The following SLC35D2 variants were observed in gnomAD, a reference collection of about 807,000 sequenced individuals.
SLC35D2 encodes the protein nucleotide sugar transporter SLC35D2.
Under a neutral mutation model 41.8 loss-of-function variants are expected in SLC35D2, and 43 were observed. The observed-to-expected ratio is 1.03, with a 90% CI of 0.81 to 1.33. SLC35D2 has a LOEUF of 1.33. Ranked by LOEUF, SLC35D2 falls within the 40% of genes most tolerant of loss-of-function variation. The pLI is 0.00. For synonymous variants in SLC35D2, 150 were observed against 163.9 expected, an observed-to-expected ratio of 0.92 and a Z score of 0.65; for missense variants, 380 against 408.4, an observed-to-expected ratio of 0.93 and a Z score of 0.60.
At chr9:96,331,319 T>C (rs1828797638) in intron 9 of SLC35D2, among the ~76,000 whole-genome samples, 1 of 152,184 alleles carries the variant, frequency 6.6e-6, no homozygotes, top group South Asian at 2.1e-4. Context: ...ATGCTTGCTT[T>C]TATCTTATGT....
intron 4 of SLC35D2, among the ~76,000 whole-genome samples, chr9:96,356,390 T>TC (rs1830026462): frequency 6.6e-6 from 1 of 150,418 alleles, no homozygotes; most frequent in Non-Finnish European, 1.5e-5. Context: ...TTCTTTTTTT[T>TC]TTTTTTTTTT....
At position 96,349,449 on chromosome 9, in the gene SLC35D2, G is replaced by A. The variant is rs111230944; in HGVS notation, c.488+1654C>T. Among the ~76,000 whole-genome samples the A allele has an allele frequency of 9.6e-3, 1,463 of 152,054 alleles. 16 individuals are homozygous for A. Among genetic ancestry groups the A allele is most frequent in the Non-Finnish European group, 0.014 (946 of 68,012 alleles). On this transcript the variant is annotated intron_variant, in intron 6 of 11. Transcript: ENST00000253270. ...CACCCCACTGGGTCACTGGGTGGCCGCTCTCCCGTGATCTCTACCCCAGGC... is the reference window on the plus strand; with the variant it reads ...CACCCCACTGGGTCACTGGGTGGCCACTCTCCCGTGATCTCTACCCCAGGC...
chr9:96,314,154 G>C (rs372064972), exon 12 of SLC35D2: 2 of 152,478 alleles, frequency 1.3e-5, no homozygotes, highest in South Asian at 4.2e-4. Context: ...AGGAGGCTGA[G>C]GAGGGCAGAT....
chr9:96,377,886 G>A (rs1436097744), intron 1 of SLC35D2, among the ~76,000 whole-genome samples: 2 of 152,200 alleles, frequency 1.3e-5, no homozygotes, highest in Non-Finnish European at 2.9e-5. Context: ...TGAGCAGCTG[G>A]GAGCTAGGAG....
At chr9:96,364,405 A>C (rs1409632011) in intron 3 of SLC35D2, 59 bp downstream of exon 3, 2 of 1,062,428 alleles carry the variant, frequency 1.9e-6, no homozygotes, top group South Asian at 1.3e-5. Flanking sequence ...CCTGTACTCT[A>C]AAATCAATGT....
intron 1 of SLC35D2, among the ~76,000 whole-genome samples, chr9:96,371,325 G>C (rs1830665788): frequency 6.6e-6 from 1 of 151,468 alleles, no homozygotes; most frequent in African/African-American, 2.4e-5. Context: ...AATTAGCCAG[G>C]CGTGGTGGCA....
intron 4 of SLC35D2, among the ~76,000 whole-genome samples, chr9:96,355,261 C>T (rs1829973021): frequency 6.6e-6 from 1 of 151,688 alleles, no homozygotes; most frequent in Admixed American, 6.6e-5. Context: ...TCAAGTGATC[C>T]ACCTGCTTTG....
chr9:96,344,724 G>GGA (rs1829500303), intron 7 of SLC35D2, among the ~76,000 whole-genome samples: 1 of 103,596 alleles, frequency 9.7e-6, no homozygotes, highest in Non-Finnish European at 2.1e-5. Context: ...GGGTGGGGGA[G>GGA]GGATGGGGGA....
chr9:96,314,611 T>A (rs1026864503), exon 12 of SLC35D2: 7 of 152,062 alleles, frequency 4.6e-5, no homozygotes, highest in African/African-American at 1.7e-4. Context: ...AGAGGGAGCA[T>A]CAGGATAAAT....
intron 9 of SLC35D2, among the ~76,000 whole-genome samples, chr9:96,329,065 G>A (rs1828681971): frequency 6.8e-6 from 1 of 146,764 alleles, no homozygotes; most frequent in Non-Finnish European, 1.5e-5. Flanking sequence ...TCTAGCCTGG[G>A]CAAACAGAGT....
At chr9:96,321,410 G>A (rs1381062638) in intron 11 of SLC35D2, 69 bp from the exon 12 acceptor site, 1 of 1,114,414 alleles carries the variant, frequency 9.0e-7, no homozygotes, top group Non-Finnish European at 1.4e-6. Context: ...GCAGTTGCTG[G>A]CGTTTTTATC....
rs1830053448 is a variant in SLC35D2 at position 96,356,980 on chromosome 9, G to A, written c.347+3174C>T. Among the ~76,000 whole-genome samples, 8 of 152,228 alleles carry A rather than the reference G, an allele frequency of 5.3e-5. 1 individual carries two copies. The Middle Eastern group carries it at 0.02, about 388-fold the overall frequency. On this transcript the variant is annotated intron_variant, in intron 4 of 11. Coordinates refer to ENST00000253270, the MANE Select transcript of SLC35D2 (RefSeq NM_007001.3). ...ATGGATCACCTGAGGTCAGGAGTTC[G>A]AGACCAGCCTCAACATGGAGAAACC...
intron 1 of SLC35D2, chr9:96,373,863 T>G (rs926124475): frequency 6.6e-6 from 1 of 152,156 alleles, no homozygotes; most frequent in Non-Finnish European, 1.5e-5. Context: ...ATTATAGATT[T>G]GGTAGTAGAT....
At chr9:96,315,434 C>CTTT (rs35644020) in intron 11 of SLC35D2, among the ~76,000 whole-genome samples, 10 of 131,978 alleles carry the variant, frequency 7.6e-5, no homozygotes, top group African/African-American at 1.2e-4. Flanking sequence ...CCTTCACAGA[C>CTTT]TTTTTTTTTT....
At chr9:96,353,494 C>T (rs1293151212) in intron 4 of SLC35D2, among the ~76,000 whole-genome samples, 1 of 152,044 alleles carries the variant, frequency 6.6e-6, no homozygotes, top group Non-Finnish European at 1.5e-5. Flanking sequence ...GCTGGGATTA[C>T]ACTACCACGC....
intron 9 of SLC35D2, among the ~76,000 whole-genome samples, chr9:96,327,753 C>A (rs1407891157): frequency 1.3e-5 from 2 of 151,972 alleles, no homozygotes; most frequent in African/African-American, 2.4e-5. Context: ...TCTCAAGAAG[C>A]TGGGACTACA....
At chr9:96,325,889 C>T (rs1188143396) in intron 9 of SLC35D2, among the ~76,000 whole-genome samples, 1 of 152,044 alleles carries the variant, frequency 6.6e-6, no homozygotes, top group Non-Finnish European at 1.5e-5. Context: ...ACCTTCAACA[C>T]GATAACCTCT....
At chr9:96,380,949 C>T (rs574833659) in intron 1 of SLC35D2, among the ~76,000 whole-genome samples, 9 of 152,274 alleles carry the variant, frequency 5.9e-5, no homozygotes, top group Admixed American at 2.6e-4. Flanking sequence ...AGAATACTGA[C>T]GGCCACAGGA....
At chr9:96,334,488 A>T (rs1828958138) in intron 9 of SLC35D2, among the ~76,000 whole-genome samples, 1 of 152,098 alleles carries the variant, frequency 6.6e-6, no homozygotes, top group African/African-American at 2.4e-5. Context: ...AAATACAAAA[A>T]TTAGCCAGGT....
Sources: gnomAD v4.1 joint callset for allele counts (sites outside exome capture counted in the v4.1 genomes callset) on GRCh38, gnomAD v4.1.1 for gene constraint, MANE v1.5 for transcripts, NCBI Gene and HGNC (gene_info 2026-07-23, HGNC 2026-07-21) for gene names.